ARHGEF38: variants seen among roughly 807,000 people sequenced by gnomAD.
ARHGEF38 encodes the protein Rho guanine nucleotide exchange factor (GEF) 38.
In ARHGEF38, 79 loss-of-function variants were observed where a neutral mutation model predicts 79.9. The observed-to-expected ratio is 0.99, with a 90% CI of 0.82 to 1.19. ARHGEF38 has a LOEUF of 1.19. ARHGEF38 is among the 50% of genes most tolerant of loss of function. The probability of loss-of-function intolerance (pLI) is 0.00; values close to 1 mark genes in which losing one functional copy is unlikely to be tolerated. For synonymous variants in ARHGEF38, 366 were observed against 328.3 expected (o/e 1.11, Z -1.24); for missense variants, 962 against 907.2 (o/e 1.06, Z -0.78).
chr4:105,627,006 C>A (rs538456685), intron 3 of ARHGEF38, among the ~76,000 whole-genome samples: 191 of 152,174 alleles, frequency 1.3e-3, no homozygotes, highest in African/African-American at 4.2e-3. Context: ...GCTCAAAGCT[C>A]CCCAAGGGCT....
At chr4:105,564,217 TTG>T (rs1191142417) in intron 1 of ARHGEF38, among the ~76,000 whole-genome samples, 1 of 152,236 alleles carries the variant, frequency 6.6e-6, no homozygotes, top group Non-Finnish European at 1.5e-5. Flanking sequence ...GTATTGCTCT[TTG>T]AAAATATTTA....
At position 105,667,712 on chromosome 4, in the gene ARHGEF38, T is replaced by C. The variant is rs574826405; in HGVS notation, c.2148+9T>C. On this transcript the variant is annotated intron_variant, in intron 13 of 13. Transcript: ENST00000420470. ...AAGAAGTAGACGAACAGGTAAAAAT[T>C]TGATGTAAAAATATGTGGTTGTTCA... is the stretch of plus-strand genomic sequence containing the variant. The C allele has an allele frequency of 1.3e-6, 2 of 1,536,004 alleles. No homozygotes were observed. Among genetic ancestry groups the C allele is most frequent in the Admixed American group, 2.0e-5 (1 of 50,984 alleles).
In ARHGEF38 at chr4:105,593,188, G is replaced by A. The variant is rs148496199; in HGVS notation, c.384+3753G>A. Among the ~76,000 whole-genome samples the A allele has an allele frequency of 4.0e-3, 609 of 152,042 alleles. 4 individuals carry two copies. Among genetic ancestry groups the A allele is most frequent in the African/African-American group, 0.014 (581 of 41,462 alleles). On this transcript the variant is annotated intron_variant, in intron 2 of 13. Transcript: ENST00000420470. Reference sequence around the variant, plus strand: ...GTGACTAAAACATGTTTCAAAATAAGCACAATTTATCAAAAATCTGTCCCT... The same window carrying A: ...GTGACTAAAACATGTTTCAAAATAAACACAATTTATCAAAAATCTGTCCCT...
chr4:105,623,122 C>T lies in ARHGEF38; in HGVS notation c.509-7776C>T, dbSNP rs187139600. ...CTGGGCATAACCCCTCCAGAATGTA[C>T]GCTCCATGAGGGAAGGAATTCTTGT... On this transcript the variant is annotated intron_variant, in intron 3 of 13. Transcript: ENST00000420470. Among the ~76,000 whole-genome samples, 145 of 152,286 alleles carry T rather than the reference C, an allele frequency of 9.5e-4. 2 individuals are homozygous for T. The highest frequency in any genetic ancestry group is 4.9e-3 in the Admixed American group (75 of 15,292).
At chr4:105,595,043 G>A (rs1004518750) in intron 2 of ARHGEF38, among the ~76,000 whole-genome samples, 1 of 152,194 alleles carries the variant, frequency 6.6e-6, no homozygotes, top group South Asian at 2.1e-4. Flanking sequence ...GGAATAGCTG[G>A]AGGAATTTGA....
At chr4:105,594,257 C>G (rs1455966891) in intron 2 of ARHGEF38, among the ~76,000 whole-genome samples, 7 of 152,184 alleles carry the variant, frequency 4.6e-5, no homozygotes, top group Non-Finnish European at 1.0e-4. Context: ...TTAGTTGACA[C>G]CACCAGTTCA....
In ARHGEF38 at chr4:105,678,112, T is replaced by A; in HGVS notation, c.*175T>A. ...TAACAGGATTATTGCATGAATGTAT[T>A]ATAAAGGATACATGTTGAAAGAAAT... is the stretch of plus-strand genomic sequence containing the variant. On this transcript the variant is annotated 3_prime_UTR_variant, in exon 14 of 14. Transcript: ENST00000420470. 2.1e-6 allele frequency: 1 copy of A among 470,868 alleles called. No individual in the cohort carries two copies. Among genetic ancestry groups the A allele is most frequent in the Non-Finnish European group, 3.6e-6 (1 of 277,036 alleles). 29.2% of individuals were successfully genotyped at this position (470,868 alleles called of 1,614,324 possible).
chr4:105,589,693 G>T (rs1195011348), intron 2 of ARHGEF38, among the ~76,000 whole-genome samples: 1 of 152,088 alleles, frequency 6.6e-6, no homozygotes, highest in African/African-American at 2.4e-5. Context: ...TATGTTATAT[G>T]GTGTGAAGTA....
intron 5 of ARHGEF38, among the ~76,000 whole-genome samples, chr4:105,637,387 T>C (rs1729440953): frequency 6.6e-6 from 1 of 152,136 alleles, no homozygotes. Flanking sequence ...AGGCAACCAG[T>C]TCTCTCACTT....
rs1730025795 is a variant in ARHGEF38, at chr4:105,649,865, C to A, written c.1008+1183C>A. On this transcript the variant is annotated intron_variant, in intron 7 of 13. Transcript: ENST00000420470. ...GTCAGCACAGGGAAGAAATTAAGAA[C>A]AACATCTTTGAAGTTATCCAAACCT... Among the ~76,000 whole-genome samples, 2 of 152,188 alleles carry A rather than the reference C, an allele frequency of 1.3e-5. 1 individual carries two copies. The highest frequency in any genetic ancestry group is 3.8e-4 in the East Asian group (2 of 5,208).
At chr4:105,648,775 A>T in intron 7 of ARHGEF38, 93 bp downstream of exon 7, 3 of 1,294,072 alleles carry the variant, frequency 2.3e-6, no homozygotes, top group Non-Finnish European at 3.1e-6. Context: ...TATTTCTAGA[A>T]TACTGAGAAT....
At chr4:105,585,893 G>A (rs1435438132) in intron 1 of ARHGEF38, among the ~76,000 whole-genome samples, 1 of 151,754 alleles carries the variant, frequency 6.6e-6, no homozygotes, top group Admixed American at 6.6e-5. Flanking sequence ...CACCACACCC[G>A]GCTAATGTTG....
chr4:105,580,435 A>G (rs1350233576), intron 1 of ARHGEF38, among the ~76,000 whole-genome samples: 1 of 152,180 alleles, frequency 6.6e-6, no homozygotes. Context: ...CATAGGTTTC[A>G]ACAAACTTCT....
chr4:105,608,609 T>C (rs1471695698), intron 2 of ARHGEF38, among the ~76,000 whole-genome samples: 1 of 152,034 alleles, frequency 6.6e-6, no homozygotes, highest in Non-Finnish European at 1.5e-5. Flanking sequence ...TAATTTTGTT[T>C]GTGTTGGGAC....
At chr4:105,586,876 G>A (rs183873) in intron 1 of ARHGEF38, among the ~76,000 whole-genome samples, 7 of 151,362 alleles carry the variant, frequency 4.6e-5, no homozygotes, top group Non-Finnish European at 1.0e-4. Context: ...AGTAAAGGAC[G>A]TCCCTCACAC....
chr4:105,651,468 T>C (rs1730102059), intron 7 of ARHGEF38, among the ~76,000 whole-genome samples: 1 of 152,220 alleles, frequency 6.6e-6, no homozygotes, highest in African/African-American at 2.4e-5. Flanking sequence ...AGATTGGGAC[T>C]ACAAAGATGA....
intron 1 of ARHGEF38, among the ~76,000 whole-genome samples, chr4:105,575,378 G>A (rs2110430320): frequency 6.6e-6 from 1 of 152,130 alleles, no homozygotes; most frequent in East Asian, 1.9e-4. Context: ...ATCCCATTGT[G>A]GCTTTAATTT....
At chr4:105,628,910 A>G (rs1353878984) in intron 3 of ARHGEF38, among the ~76,000 whole-genome samples, 1 of 152,238 alleles carries the variant, frequency 6.6e-6, no homozygotes, top group African/African-American at 2.4e-5. Context: ...CAACCTTAAG[A>G]GACAAATGAC....
At chr4:105,643,201 T>C (rs556524899) in intron 5 of ARHGEF38, among the ~76,000 whole-genome samples, 1 of 152,100 alleles carries the variant, frequency 6.6e-6, no homozygotes, top group South Asian at 2.1e-4. Flanking sequence ...TTTTAAAATC[T>C]ACTTCACTCA....
Sources: gnomAD v4.1 joint callset for allele counts (sites outside exome capture counted in the v4.1 genomes callset) on GRCh38, gnomAD v4.1.1 for gene constraint, MANE v1.5 for transcripts, NCBI Gene and HGNC (gene_info 2026-07-23, HGNC 2026-07-21) for gene names.